Variants in RASAL2 observed in about 807,000 individuals in gnomAD.
The protein encoded by RASAL2 is RAS protein activator like 2, also known as ras GTPase-activating protein nGAP.
A neutral mutation model predicts 128.9 loss-of-function variants in RASAL2; 58 were observed. The observed-to-expected ratio is 0.45, with a 90% CI of 0.36 to 0.56. RASAL2 has a LOEUF of 0.56. RASAL2 is among the 20% of genes least tolerant of loss of function. The probability of loss-of-function intolerance (pLI) is 0.00; values close to 1 mark genes in which losing one functional copy is unlikely to be tolerated. For synonymous variants in RASAL2, 561 were observed against 580.8 expected, an observed-to-expected ratio of 0.97 and a Z score of 0.49; for missense variants, 1,360 against 1,601.6, an observed-to-expected ratio of 0.85 and a Z score of 2.57.
chr1:178,125,751 T>G (rs1388165290), intron 1 of RASAL2, among the ~76,000 whole-genome samples: 1 of 152,182 alleles, frequency 6.6e-6, no homozygotes, highest in Non-Finnish European at 1.5e-5. Flanking sequence ...CCTTTTCAAC[T>G]AGATTGAAAA....
At chr1:178,391,906 C>T (rs1483869233) in intron 4 of RASAL2, among the ~76,000 whole-genome samples, 2 of 152,164 alleles carry the variant, frequency 1.3e-5, no homozygotes, top group Non-Finnish European at 2.9e-5. Flanking sequence ...AGGTTTACCA[C>T]TCATCAATTG....
intron 3 of RASAL2, among the ~76,000 whole-genome samples, chr1:178,353,195 T>C (rs114206293): frequency 6.6e-6 from 1 of 152,374 alleles, no homozygotes; most frequent in African/African-American, 2.4e-5. Context: ...AAGCTTTTAC[T>C]GTCCATTTCC....
chr1:178,397,112 A>T (rs1198764157), intron 4 of RASAL2, among the ~76,000 whole-genome samples: 1 of 152,208 alleles, frequency 6.6e-6, no homozygotes, highest in Non-Finnish European at 1.5e-5. Flanking sequence ...TGACCTAGCA[A>T]TTCTACTTTT....
At chr1:178,143,788 G>A (rs930819835) in intron 1 of RASAL2, among the ~76,000 whole-genome samples, 34 of 149,002 alleles carry the variant, frequency 2.3e-4, no homozygotes, top group African/African-American at 7.1e-4. Context: ...ATACATTCAT[G>A]TATTACTTAT....
intron 1 of RASAL2, among the ~76,000 whole-genome samples, chr1:178,108,802 C>T (rs752044819): frequency 6.7e-4 from 102 of 152,070 alleles, no homozygotes; most frequent in African/African-American, 2.4e-3. Context: ...ATGCTTGATA[C>T]GCTTTGGATG....
chr1:178,255,943 G>A (rs1178659163), intron 1 of RASAL2, among the ~76,000 whole-genome samples: 4 of 152,086 alleles, frequency 2.6e-5, no homozygotes, highest in Admixed American at 6.6e-5. Context: ...TTCTACAGGA[G>A]ACACACTTTA....
chr1:178,335,633 C>T (rs1669549228), intron 3 of RASAL2, among the ~76,000 whole-genome samples: 1 of 152,194 alleles, frequency 6.6e-6, no homozygotes, highest in Non-Finnish European at 1.5e-5. Flanking sequence ...GGAAACTGCT[C>T]ACACATTACA....
chr1:178,212,245 G>A (rs988062105), intron 1 of RASAL2, among the ~76,000 whole-genome samples: 11 of 152,286 alleles, frequency 7.2e-5, no homozygotes, highest in African/African-American at 2.6e-4. Flanking sequence ...AAGGCAGTAT[G>A]CATTCAACAT....
intron 3 of RASAL2, among the ~76,000 whole-genome samples, chr1:178,361,688 T>G (rs147225344): frequency 6.6e-6 from 1 of 152,286 alleles, no homozygotes; most frequent in Non-Finnish European, 1.5e-5. Context: ...GATTTTTCCA[T>G]GGACAGGAGG....
intron 1 of RASAL2, among the ~76,000 whole-genome samples, chr1:178,223,371 A>G (rs528822665): frequency 6.6e-6 from 1 of 152,294 alleles, no homozygotes; most frequent in African/African-American, 2.4e-5. Flanking sequence ...TCCCTGAGGA[A>G]GTGACACTTG....
intron 3 of RASAL2, among the ~76,000 whole-genome samples, chr1:178,343,148 C>G (rs534899810): frequency 7.2e-5 from 11 of 152,158 alleles, no homozygotes; most frequent in African/African-American, 2.7e-4. Flanking sequence ...GGATGTTGTC[C>G]TTTTGTATTA....
intron 3 of RASAL2, among the ~76,000 whole-genome samples, chr1:178,320,442 G>A (rs1415782455): frequency 2.6e-5 from 4 of 152,188 alleles, no homozygotes; most frequent in Admixed American, 6.5e-5. Context: ...AGCAATCAGC[G>A]AGACTCCGTG....
intron 16 of RASAL2, 56 bp downstream of exon 16, chr1:178,466,178 T>A: frequency 6.8e-7 from 1 of 1,477,630 alleles, no homozygotes; most frequent in Non-Finnish European, 9.0e-7. Flanking sequence ...AGAATTGAGA[T>A]GATCCACAGA....
chr1:178,216,855 T>C (rs1663437428), intron 1 of RASAL2, among the ~76,000 whole-genome samples: 1 of 152,220 alleles, frequency 6.6e-6, no homozygotes, highest in Non-Finnish European at 1.5e-5. Context: ...AAGAAGATAG[T>C]GTTCAAAGGT....
At chr1:178,260,014 G>C (rs938209878) in intron 1 of RASAL2, among the ~76,000 whole-genome samples, 1 of 151,946 alleles carries the variant, frequency 6.6e-6, no homozygotes, top group Admixed American at 6.6e-5. Flanking sequence ...GACCTGAAAT[G>C]TAAGGTTTGT....
chr1:178,338,539 A>G (rs182585977), intron 3 of RASAL2, among the ~76,000 whole-genome samples: 40 of 152,340 alleles, frequency 2.6e-4, no homozygotes, highest in African/African-American at 6.5e-4. Context: ...CATTATCTAC[A>G]TTCTTCAAAA....
At chr1:178,122,494 A>T (rs1659753156) in intron 1 of RASAL2, among the ~76,000 whole-genome samples, 1 of 152,192 alleles carries the variant, frequency 6.6e-6, no homozygotes, top group Non-Finnish European at 1.5e-5. Flanking sequence ...ATGCAGTCAT[A>T]ATGACTGGAT....
chr1:178,393,663 G>A (rs996772366), intron 4 of RASAL2, among the ~76,000 whole-genome samples: 8 of 152,054 alleles, frequency 5.3e-5, no homozygotes, highest in East Asian at 3.9e-4. Context: ...TCCTTCTTTC[G>A]CTCTCATTCC....
chr1:178,190,759 A>G (rs968952862), intron 1 of RASAL2, among the ~76,000 whole-genome samples: 6 of 150,894 alleles, frequency 4.0e-5, no homozygotes, highest in Non-Finnish European at 7.4e-5. Flanking sequence ...AATCCCCTAT[A>G]TGTAGCCGGA....
Sources: gnomAD v4.1 joint callset for allele counts (sites outside exome capture counted in the v4.1 genomes callset) on GRCh38, gnomAD v4.1.1 for gene constraint, MANE v1.5 for transcripts, NCBI Gene and HGNC (gene_info 2026-07-23, HGNC 2026-07-21) for gene names.